GSE1: variants seen among roughly 807,000 people sequenced by gnomAD.
GSE1 encodes the protein genetic suppressor element 1.
Under a neutral mutation model 112.6 loss-of-function variants are expected in GSE1, and 32 were observed. The observed-to-expected ratio is 0.28, with a 90% CI of 0.21 to 0.38. GSE1 has a LOEUF of 0.38. Among genes scored for constraint, GSE1 ranks in the 10% least tolerant of loss-of-function variants. GSE1 has a pLI of 1.00. For missense variants in GSE1, 2,348 were observed against 1,699.2 expected (o/e 1.38, Z -6.71); for synonymous variants, 1,115 against 735.6 (o/e 1.52, Z -8.35).
At position 85,655,010 on chromosome 16, in the gene GSE1, G is replaced by A. The variant is rs369950746; in HGVS notation, c.797+19G>A. The A allele has an allele frequency of 2.1e-4, 313 of 1,479,502 alleles. 1 individual carries two copies. The African/African-American group carries it at 3.9e-3, about 18-fold the overall frequency. The allele number at this position is 1,479,502 out of a possible 1,614,324, so 91.6% of individuals were successfully genotyped here. On this transcript the variant is annotated intron_variant, in intron 5 of 15. Coordinates refer to ENST00000253458, the MANE Select transcript of GSE1 (RefSeq NM_014615.5). ...CCTTCAGGTGAGGCATCCCCCACGC[G>A]CCCTCTCGTCTAGGTGCTGGCCTGT...
chr16:85,320,814 C>A (rs1360915049), intron 1 of GSE1, among the ~76,000 whole-genome samples: 1 of 152,182 alleles, frequency 6.6e-6, no homozygotes, highest in African/African-American at 2.4e-5. Context: ...TGCGTGGCTG[C>A]CCTGGAGGCA....
At position 85,331,323 on chromosome 16, in the gene GSE1, C is replaced by CTGTGTG. The variant is rs71151278; in HGVS notation, c.2284-26102_2284-26097dup. Among the ~76,000 whole-genome samples, 85 of 84,516 alleles carry CTGTGTG rather than the reference C, an allele frequency of 1.0e-3. 2 individuals are homozygous for CTGTGTG. Among genetic ancestry groups the CTGTGTG allele is most frequent in the African/African-American group, 3.4e-3 (78 of 23,018 alleles). 55.4% of individuals were successfully genotyped at this position (84,516 alleles called of 152,430 possible). A position where few individuals can be genotyped will look rare whatever the true frequency, so the allele number is the denominator to read the frequency against. On this transcript the variant is annotated intron_variant, in intron 1 of 2. Coordinates refer to the GSE1 transcript ENST00000637419. ...ACATGCCACCATGCCCAGCTAATTT[C>CTGTGTG]TGTGTGTGTGTGTGTGTGTGTGTGT... is the stretch of plus-strand genomic sequence containing the variant.
At chr16:85,213,609 G>C (rs547217714) in intron 1 of GSE1, among the ~76,000 whole-genome samples, 16 of 152,376 alleles carry the variant, frequency 1.1e-4, no homozygotes, top group Admixed American at 7.2e-4. Flanking sequence ...CTCCTGCACG[G>C]ATTGCAACAG....
At chr16:85,399,075 A>G (rs1375894522) in intron 2 of GSE1, among the ~76,000 whole-genome samples, 1 of 152,146 alleles carries the variant, frequency 6.6e-6, no homozygotes, top group Non-Finnish European at 1.5e-5. Flanking sequence ...TTACATGCAC[A>G]TGTGTATGTG....
At chr16:85,554,780 G>GGGGA (rs1033728755), upstream of GSE1, 4 of 651,054 alleles carry the variant, frequency 6.1e-6, no homozygotes, top group African/African-American at 7.9e-5. Flanking sequence ...AGTCGTGGGG[G>GGGGA]GGGAGGGAGG....
chr16:85,272,614 G>A (rs78505127), intron 1 of GSE1, among the ~76,000 whole-genome samples: 2,549 of 152,176 alleles, frequency 0.017, 76 homozygotes, highest in African/African-American at 0.059. Flanking sequence ...GAGAAGCCAC[G>A]GGTGTGCGGG....
chr16:85,367,167 C>T (rs888266602), intron 2 of GSE1, among the ~76,000 whole-genome samples: 2 of 152,222 alleles, frequency 1.3e-5, no homozygotes, highest in South Asian at 2.1e-4. Context: ...TGGGTTTACG[C>T]GGTTTGAAGA....
chr16:85,183,754 C>A (rs992451426), intron 1 of GSE1, among the ~76,000 whole-genome samples: 2 of 152,166 alleles, frequency 1.3e-5, no homozygotes, highest in African/African-American at 4.8e-5. Flanking sequence ...CCCCATTTTA[C>A]AGATGTACAG....
chr16:85,208,817 G>A (rs533514930), intron 1 of GSE1, among the ~76,000 whole-genome samples: 83 of 105,078 alleles, frequency 7.9e-4, no homozygotes, highest in African/African-American at 2.6e-3. Flanking sequence ...GGTTTGCCAC[G>A]TGTTGGGGTT....
At chr16:85,258,973 G>C (rs1907377948) in intron 1 of GSE1, among the ~76,000 whole-genome samples, 1 of 152,210 alleles carries the variant, frequency 6.6e-6, no homozygotes, top group South Asian at 2.1e-4. Flanking sequence ...TCTGGGGGCT[G>C]AGCTTCTGGG....
chr16:85,644,251 A>G (rs1305468920), intron 2 of GSE1, among the ~76,000 whole-genome samples: 1 of 151,356 alleles, frequency 6.6e-6, no homozygotes, highest in African/African-American at 2.4e-5. Context: ...AGGTGGGAGG[A>G]TCACTTGAAC....
At chr16:85,507,453 C>T (rs575009399) in intron 2 of GSE1, among the ~76,000 whole-genome samples, 32 of 152,244 alleles carry the variant, frequency 2.1e-4, no homozygotes, top group Admixed American at 4.6e-4. Flanking sequence ...CAGGGTTACT[C>T]GCCCTTGCCC....
chr16:85,448,072 C>G (rs1355106637), intron 2 of GSE1, among the ~76,000 whole-genome samples: 1 of 152,256 alleles, frequency 6.6e-6, no homozygotes, highest in African/African-American at 2.4e-5. Flanking sequence ...CATCAGCCCT[C>G]TGCCTCCTCC....
chr16:85,303,891 T>C (rs1362378900), intron 1 of GSE1, among the ~76,000 whole-genome samples: 1 of 152,186 alleles, frequency 6.6e-6, no homozygotes, highest in Non-Finnish European at 1.5e-5. Context: ...CCCAGGGTTG[T>C]CCCGGGGACG....
chr16:85,278,012 A>G (rs1161419864), intron 1 of GSE1, among the ~76,000 whole-genome samples: 2 of 152,264 alleles, frequency 1.3e-5, no homozygotes, highest in African/African-American at 4.8e-5. Context: ...CATTGAGAGC[A>G]GTCACAATAT....
At chr16:85,199,703 C>T (rs2074993772) in intron 1 of GSE1, among the ~76,000 whole-genome samples, 1 of 151,994 alleles carries the variant, frequency 6.6e-6, no homozygotes, top group Non-Finnish European at 1.5e-5. Context: ...TTTGGGAGCT[C>T]AGGATCCAAA....
chr16:85,601,003 AG>A (rs891604976), intron 1 of GSE1, among the ~76,000 whole-genome samples: 7 of 147,644 alleles, frequency 4.7e-5, no homozygotes, highest in Non-Finnish European at 1.0e-4. Context: ...GGCTTCCACC[AG>A]TGGGGGGGTT....
intron 2 of GSE1, among the ~76,000 whole-genome samples, chr16:85,510,879 G>A (rs1458659124): frequency 1.3e-5 from 2 of 152,160 alleles, no homozygotes; most frequent in African/African-American, 4.8e-5. Flanking sequence ...TCCCAGGTCT[G>A]CACAAGCTCA....
At chr16:85,672,129 G>C (rs1370831951) in intron 15 of GSE1, 2 of 365,534 alleles carry the variant, frequency 5.5e-6, no homozygotes, top group African/African-American at 4.2e-5. Flanking sequence ...CTCCCGAGTA[G>C]CTAGGATTAC....
Sources: allele counts gnomAD v4.1 joint callset (sites outside exome capture counted in the v4.1 genomes callset), GRCh38; gene constraint gnomAD v4.1.1; transcripts MANE v1.5; gene names NCBI Gene and HGNC (gene_info 2026-07-23, HGNC 2026-07-21).